The following MAF variants were observed in gnomAD, a reference collection of about 807,000 sequenced individuals.
MAF encodes the protein MAF bZIP transcription factor, also known as transcription factor Maf.
In MAF, 10 loss-of-function variants were observed where a neutral mutation model predicts 22.0. The observed-to-expected ratio is 0.45, with a 90% confidence interval of 0.28 to 0.77. MAF has a LOEUF of 0.77. Among genes scored for constraint, MAF ranks in the 30% least tolerant of loss-of-function variants. The probability of loss-of-function intolerance (pLI) is 0.12; values close to 1 mark genes in which losing one functional copy is unlikely to be tolerated. For synonymous variants in MAF, 337 were observed against 255.8 expected, an observed-to-expected ratio of 1.32 and a Z score of -3.03; for missense variants, 544 against 548.4, an observed-to-expected ratio of 0.99 and a Z score of 0.08.
chr16:79,458,692 T>A, the MAF span, among the ~76,000 whole-genome samples: 2 of 152,194 alleles, frequency 1.3e-5, no homozygotes, highest in Non-Finnish European at 2.9e-5. Flanking sequence ...ATAATAGGCA[T>A]GTTTTTTGTT....
chr16:79,405,855 C>T, the MAF span, among the ~76,000 whole-genome samples: 1 of 152,158 alleles, frequency 6.6e-6, no homozygotes, highest in South Asian at 2.1e-4. Flanking sequence ...TAGCAGATGC[C>T]ACCCGTCAAC....
At chr16:79,287,708 CTCAT>C in the MAF span, among the ~76,000 whole-genome samples, 2 of 152,144 alleles carry the variant, frequency 1.3e-5, no homozygotes, top group African/African-American at 2.4e-5. Context: ...CTTTCATTCA[CTCAT>C]TCATTTATTC....
At chr16:79,375,285 A>C in the MAF span, among the ~76,000 whole-genome samples, 1 of 152,184 alleles carries the variant, frequency 6.6e-6, no homozygotes, top group Non-Finnish European at 1.5e-5. Context: ...AAAGGGTTCA[A>C]GGCATTGATT....
At chr16:79,428,984 G>C in the MAF span, among the ~76,000 whole-genome samples, 1 of 152,142 alleles carries the variant, frequency 6.6e-6, no homozygotes, top group African/African-American at 2.4e-5. Context: ...CAGAATGCCT[G>C]AATAAGTCGC....
the MAF span, among the ~76,000 whole-genome samples, chr16:79,446,662 C>T: frequency 6.6e-6 from 1 of 152,072 alleles, no homozygotes; most frequent in Non-Finnish European, 1.5e-5. Context: ...TCTGCACTCT[C>T]AGTGCTTTGG....
chr16:79,271,112 C>T, the MAF span, among the ~76,000 whole-genome samples: 3 of 142,824 alleles, frequency 2.1e-5, no homozygotes, highest in Non-Finnish European at 3.0e-5. Flanking sequence ...GACGGGGTTT[C>T]GCCATGTTGG....
chr16:79,209,148 T>C, the MAF span, among the ~76,000 whole-genome samples: 15 of 152,286 alleles, frequency 9.8e-5, no homozygotes, highest in Non-Finnish European at 1.6e-4. Context: ...AAAGTTAGGC[T>C]TTTCAAAAAG....
chr16:79,306,100 G>A, the MAF span, among the ~76,000 whole-genome samples: 4,561 of 152,268 alleles, frequency 0.03, 245 homozygotes, highest in African/African-American at 0.1. Flanking sequence ...AAAAGGTAAC[G>A]TTGGCCTTTT....
the MAF span, among the ~76,000 whole-genome samples, chr16:79,377,367 TG>T: frequency 6.6e-6 from 1 of 152,216 alleles, no homozygotes; most frequent in Non-Finnish European, 1.5e-5. Flanking sequence ...CACTTGTTGA[TG>T]GGGTTGTTTG....
At chr16:79,345,232 T>C in the MAF span, among the ~76,000 whole-genome samples, 1 of 152,208 alleles carries the variant, frequency 6.6e-6, no homozygotes, top group Non-Finnish European at 1.5e-5. Flanking sequence ...TATAATATAA[T>C]GTGCTTCCTA....
chr16:79,246,613 G>C, the MAF span, among the ~76,000 whole-genome samples: 1 of 151,564 alleles, frequency 6.6e-6, no homozygotes, highest in East Asian at 1.9e-4. Context: ...AAAAGGAGTA[G>C]AAAACATGGA....
Position 79,598,196 on chromosome 16 carries a change from G to A in MAF, c.1118+589C>T, listed in dbSNP as rs1218089659. The stretch of plus-strand genomic sequence containing the variant: ...TTTTTCTTTCATCTCGGAAGAGATG[G>A]GTTGAGAAGGAGTGAGGGTGGAGGT... On this transcript the variant is annotated intron_variant, in intron 1 of 1. Transcript: ENST00000326043. 3.8e-6 allele frequency: 4 copies of A among 1,054,690 alleles called. No individual in the cohort carries two copies. In the African/African-American group the frequency reaches 6.7e-5, roughly 18 times the overall value. 65.3% of individuals were successfully genotyped at this position (1,054,690 alleles called of 1,614,324 possible).
At chr16:79,204,793 AAACTT>A in the MAF span, 3 of 152,096 alleles carry the variant, frequency 2.0e-5, no homozygotes, top group Non-Finnish European at 4.4e-5. Flanking sequence ...TTTTTCTCTA[AAACTT>A]AAGTTTTAGG....
the MAF span, among the ~76,000 whole-genome samples, chr16:79,288,842 G>T: frequency 6.6e-6 from 1 of 152,150 alleles, no homozygotes; most frequent in South Asian, 2.1e-4. Context: ...CAATTCTCCT[G>T]CCTCAGCCTC....
At chr16:79,204,304 G>C in the MAF span, 2 of 151,982 alleles carry the variant, frequency 1.3e-5, no homozygotes, top group African/African-American at 2.4e-5. Context: ...CTCAGGTCCG[G>C]TCAGTTCTAG....
At chr16:79,323,772 A>T in the MAF span, among the ~76,000 whole-genome samples, 13 of 152,148 alleles carry the variant, frequency 8.5e-5, no homozygotes, top group Non-Finnish European at 1.3e-4. Flanking sequence ...AGTTTCCCAG[A>T]GGGTTAAGGA....
chr16:79,276,541 G>C, the MAF span, among the ~76,000 whole-genome samples: 18 of 152,130 alleles, frequency 1.2e-4, no homozygotes, highest in African/African-American at 3.6e-4. Flanking sequence ...TTAAAATTTG[G>C]GTGGAAACCA....
At chr16:79,321,103 G>A in the MAF span, among the ~76,000 whole-genome samples, 1 of 152,218 alleles carries the variant, frequency 6.6e-6, no homozygotes, top group East Asian at 1.9e-4. Flanking sequence ...ACTCAGTGAT[G>A]CAAGGCACAG....
chr16:79,297,055 C>T, the MAF span, among the ~76,000 whole-genome samples: 23 of 152,124 alleles, frequency 1.5e-4, 1 homozygote, highest in African/African-American at 3.9e-4. Flanking sequence ...GCCTGAGGGC[C>T]CTGCTTTAAT....
Sources: gnomAD v4.1 joint callset for allele counts (sites outside exome capture counted in the v4.1 genomes callset) on GRCh38, gnomAD v4.1.1 for gene constraint, MANE v1.5 for transcripts, NCBI Gene and HGNC (gene_info 2026-07-23, HGNC 2026-07-21) for gene names.